Variants in NLGN1 observed in about 807,000 individuals in gnomAD.
NLGN1 encodes neuroligin-1.
A neutral mutation model predicts 65.5 loss-of-function variants in NLGN1; 12 were observed. That is an observed-to-expected ratio of 0.18 (90% CI 0.12 to 0.30). NLGN1 has a LOEUF of 0.30. NLGN1 is among the 10% of genes least tolerant of loss of function. NLGN1 has a pLI of 1.00. For missense variants in NLGN1, 750 were observed against 1,007.1 expected, an observed-to-expected ratio of 0.74 and a Z score of 3.46; for synonymous variants, 350 against 359.5, an observed-to-expected ratio of 0.97 and a Z score of 0.30.
intron 2 of NLGN1, among the ~76,000 whole-genome samples, chr3:173,516,568 A>G (rs779115981): frequency 1.3e-5 from 2 of 152,052 alleles, no homozygotes; most frequent in Non-Finnish European, 2.9e-5. Context: ...CATAGATGCC[A>G]ATAATTATCT....
chr3:173,864,184 A>C (rs894305049), intron 4 of NLGN1, among the ~76,000 whole-genome samples: 2 of 152,224 alleles, frequency 1.3e-5, no homozygotes, highest in Non-Finnish European at 2.9e-5. Flanking sequence ...CCTTAGTTTC[A>C]CAAGCATAAT....
chr3:173,747,505 G>A (rs1405966452), intron 3 of NLGN1, among the ~76,000 whole-genome samples: 1 of 150,102 alleles, frequency 6.7e-6, no homozygotes, highest in Non-Finnish European at 1.5e-5. Flanking sequence ...TTCTTAGGAT[G>A]GTTTGTCCCT....
chr3:173,615,743 GTT>G (rs5854521), intron 3 of NLGN1, among the ~76,000 whole-genome samples: 9,213 of 141,504 alleles, frequency 0.065, 332 homozygotes, highest in Middle Eastern at 0.17. Context: ...CCATCCATCT[GTT>G]TTTTTTTTTT....
intron 4 of NLGN1, among the ~76,000 whole-genome samples, chr3:173,880,817 C>A (rs1022368294): frequency 4.1e-4 from 62 of 152,246 alleles, no homozygotes; most frequent in African/African-American, 1.5e-3. Context: ...ACAGACTTTT[C>A]TGTAGCATTC....
chr3:173,551,738 C>T (rs1260888475), intron 2 of NLGN1, among the ~76,000 whole-genome samples: 1 of 152,138 alleles, frequency 6.6e-6, no homozygotes, highest in Non-Finnish European at 1.5e-5. Context: ...GCTCCATATT[C>T]CAGGTTACCC....
chr3:173,989,168 C>A (rs1720568403), intron 4 of NLGN1, among the ~76,000 whole-genome samples: 1 of 152,152 alleles, frequency 6.6e-6, no homozygotes, highest in Non-Finnish European at 1.5e-5. Context: ...GAATGAGAAA[C>A]CTGACAGTCA....
intron 3 of NLGN1, among the ~76,000 whole-genome samples, chr3:173,782,809 T>C (rs2046721): frequency 0.86 from 129,954 of 151,680 alleles, 56,584 homozygotes; most frequent in African/African-American, 0.94. Context: ...TTCATTCCCC[T>C]ACCCCCCGCT....
At chr3:173,593,763 G>A (rs1748957795) in intron 2 of NLGN1, among the ~76,000 whole-genome samples, 1 of 152,156 alleles carries the variant, frequency 6.6e-6, no homozygotes, top group South Asian at 2.1e-4. Flanking sequence ...CCAAGACTGG[G>A]AAGAAAAAGA....
chr3:174,158,488 A>G (rs1725879654), intron 4 of NLGN1, among the ~76,000 whole-genome samples: 1 of 151,556 alleles, frequency 6.6e-6, no homozygotes, highest in Non-Finnish European at 1.5e-5. Context: ...TTCCCTGGAA[A>G]GTCATTGTGA....
At chr3:174,036,654 G>A (rs1171905405) in intron 4 of NLGN1, among the ~76,000 whole-genome samples, 1 of 150,838 alleles carries the variant, frequency 6.6e-6, no homozygotes, top group Non-Finnish European at 1.5e-5. Context: ...TGTTACACAG[G>A]TAAACTTGTG....
At chr3:174,200,640 GCAGAAATATTAATTT>G (rs1166160011) in intron 4 of NLGN1, among the ~76,000 whole-genome samples, 1 of 152,160 alleles carries the variant, frequency 6.6e-6, no homozygotes, top group Non-Finnish European at 1.5e-5. Context: ...GCTATATGTT[GCAGAAATATTAATTT>G]CAACTAATAA....
intron 4 of NLGN1, among the ~76,000 whole-genome samples, chr3:174,154,490 T>C (rs2152708632): frequency 6.6e-6 from 1 of 152,156 alleles, no homozygotes; most frequent in Middle Eastern, 3.4e-3. Flanking sequence ...GGAATATTAC[T>C]ACAAGGAATT....
At chr3:173,871,782 G>A (rs1327614939) in intron 4 of NLGN1, among the ~76,000 whole-genome samples, 1 of 152,148 alleles carries the variant, frequency 6.6e-6, no homozygotes, top group Non-Finnish European at 1.5e-5. Context: ...CTAGACAGAG[G>A]CCATGGGAAC....
chr3:174,268,930 T>C (rs1748807402), intron 4 of NLGN1, among the ~76,000 whole-genome samples: 1 of 151,364 alleles, frequency 6.6e-6, no homozygotes, highest in African/African-American at 2.4e-5. Flanking sequence ...AGTTGTTTGA[T>C]GTTAAGATAT....
At chr3:173,536,786 G>C (rs1045164332) in intron 2 of NLGN1, among the ~76,000 whole-genome samples, 1 of 151,798 alleles carries the variant, frequency 6.6e-6, no homozygotes, top group East Asian at 1.9e-4. Context: ...TGTGTGCGTA[G>C]GGAGAGATAA....
At chr3:174,178,714 TA>T (rs1226468047) in intron 4 of NLGN1, among the ~76,000 whole-genome samples, 2 of 152,176 alleles carry the variant, frequency 1.3e-5, no homozygotes, top group Admixed American at 6.6e-5. Flanking sequence ...CAAGATACAT[TA>T]AAAAAACTTT....
chr3:174,134,378 C>T (rs909719958), intron 4 of NLGN1, among the ~76,000 whole-genome samples: 7 of 152,082 alleles, frequency 4.6e-5, no homozygotes, highest in Non-Finnish European at 1.5e-5. Flanking sequence ...CAATTCAACA[C>T]TTTCATGTAC....
chr3:174,205,644 A>G (rs1421792772), intron 4 of NLGN1, among the ~76,000 whole-genome samples: 2 of 152,330 alleles, frequency 1.3e-5, no homozygotes, highest in East Asian at 3.9e-4. Context: ...AGCAAAAATG[A>G]ACTAAATCAC....
chr3:174,170,630 G>C (rs759646459), intron 4 of NLGN1, among the ~76,000 whole-genome samples: 1 of 152,186 alleles, frequency 6.6e-6, no homozygotes, highest in Non-Finnish European at 1.5e-5. Context: ...ACATGTGAGA[G>C]CAGCTACCAA....
Sources: allele counts gnomAD v4.1 joint callset (sites outside exome capture counted in the v4.1 genomes callset), GRCh38; gene constraint gnomAD v4.1.1; transcripts MANE v1.5; gene names NCBI Gene and HGNC (gene_info 2026-07-23, HGNC 2026-07-21).